The following HYAL4 variants were observed in gnomAD, a reference collection of about 807,000 sequenced individuals.
HYAL4 encodes the protein hyaluronidase-4.
A neutral mutation model predicts 35.2 loss-of-function variants in HYAL4; 37 were observed. That is an observed-to-expected ratio of 1.05 (90% CI 0.81 to 1.38). The LOEUF is 1.38. HYAL4 is among the 40% of genes most tolerant of loss of function. The probability of loss-of-function intolerance (pLI) is 0.00; values close to 1 mark genes in which losing one functional copy is unlikely to be tolerated. For missense variants in HYAL4, 572 were observed against 572.4 expected (o/e 1.00, Z 0.01); for synonymous variants, 198 against 203.2 (o/e 0.97, Z 0.22).
intron 2 of HYAL4, among the ~76,000 whole-genome samples, chr7:123,849,677 A>C (rs947902758): frequency 6.6e-6 from 1 of 152,162 alleles, no homozygotes; most frequent in Non-Finnish European, 1.5e-5. Flanking sequence ...TTGTTCCTTC[A>C]TAGACATGCT....
In HYAL4 at chr7:123,868,572, G is replaced by GGT. The variant is rs1386620064; in HGVS notation, c.300_301dup (p.Tyr101CysfsTer17). Reference sequence around the variant, plus strand: ...GTCAACAGATTGGGATACTATCCGTGGTATACATCACAAGGGGTCCCCATT... The same window carrying GGT: ...GTCAACAGATTGGGATACTATCCGTGGTGTATACATCACAAGGGGTCCCCATT... On this transcript the variant is annotated frameshift_variant, in exon 3 of 5. Coordinates refer to ENST00000223026, the MANE Select transcript of HYAL4 (RefSeq NM_012269.3). LOFTEE classifies it high-confidence loss of function. The GGT allele has an allele frequency of 1.2e-6, 2 of 1,614,058 alleles. No homozygotes were observed. Among genetic ancestry groups the GGT allele is most frequent in the Non-Finnish European group, 1.7e-6 (2 of 1,179,996 alleles).
At chr7:123,819,895 C>CTTT in the HYAL4 span, among the ~76,000 whole-genome samples, 14 of 138,878 alleles carry the variant, frequency 1.0e-4, no homozygotes, top group South Asian at 2.3e-4. Flanking sequence ...CTTTTTTTTT[C>CTTT]TTTTTTTTTT....
chr7:123,842,569 G>A (rs1210868415), upstream of HYAL4, among the ~76,000 whole-genome samples: 1 of 151,950 alleles, frequency 6.6e-6, no homozygotes, highest in Non-Finnish European at 1.5e-5. Context: ...CTTCTGTCAT[G>A]TTGATCTGTC....
At chr7:123,763,873 G>A in the HYAL4 span, among the ~76,000 whole-genome samples, 1 of 152,200 alleles carries the variant, frequency 6.6e-6, no homozygotes, top group Admixed American at 6.5e-5. Flanking sequence ...GTCAGTACTT[G>A]TAGTTCCCTG....
chr7:123,824,038 A>C (rs150792828), upstream of HYAL4, among the ~76,000 whole-genome samples: 237 of 152,272 alleles, frequency 1.6e-3, no homozygotes, highest in African/African-American at 5.6e-3. Flanking sequence ...TCAGTGTGAC[A>C]CAAGTTAGGA....
intron 2 of HYAL4, among the ~76,000 whole-genome samples, chr7:123,862,289 T>C (rs1806591650): frequency 1.3e-5 from 2 of 152,184 alleles, no homozygotes; most frequent in African/African-American, 4.8e-5. Flanking sequence ...GTGCATTTAT[T>C]AAATTCCTTA....
In HYAL4 at chr7:123,845,672, T is replaced by G. The variant is rs985487687; in HGVS notation, c.-135T>G. 6.6e-6 allele frequency: 1 copy of G among 152,220 alleles called. No individual in the cohort carries two copies. The highest frequency in any genetic ancestry group is 1.5e-5 in the Non-Finnish European group (1 of 68,044). The allele number at this position is 152,220 out of a possible 1,614,324, so 9.4% of individuals were successfully genotyped here. A position where few individuals can be genotyped will look rare whatever the true frequency, so the allele number is the denominator to read the frequency against. ...GAAAATCAGGAATTTCTTCTTGGTT[T>G]GGAGCCATTGCTGGTGAGCTAGTGT... is the stretch of plus-strand genomic sequence containing the variant. On this transcript the variant is annotated 5_prime_UTR_variant, in exon 1 of 5. Transcript: ENST00000223026.
chr7:123,845,775 G>A (rs891061344), intron 1 of HYAL4, 90 bp downstream of exon 1: 7 of 152,154 alleles, frequency 4.6e-5, no homozygotes, highest in Admixed American at 1.3e-4. Flanking sequence ...TCTCACTTGG[G>A]TAGGCTATGT....
chr7:123,847,864 G>A (rs1399451248), intron 1 of HYAL4, among the ~76,000 whole-genome samples: 1 of 152,100 alleles, frequency 6.6e-6, no homozygotes, highest in Non-Finnish European at 1.5e-5. Context: ...TACATATACA[G>A]TTTTCTTTTC....
chr7:123,865,117 TAAATGAACCAG>T (rs1806656238), intron 2 of HYAL4, among the ~76,000 whole-genome samples: 2 of 152,074 alleles, frequency 1.3e-5, no homozygotes, highest in South Asian at 4.2e-4. Flanking sequence ...AACTTTGTAA[TAAATGAACCAG>T]GATGTTCTAT....
At chr7:123,871,689 T>C (rs1277050146) in intron 3 of HYAL4, among the ~76,000 whole-genome samples, 2 of 152,230 alleles carry the variant, frequency 1.3e-5, no homozygotes, top group African/African-American at 4.8e-5. Context: ...AGTGTCTTCA[T>C]GTACAAAATG....
upstream of HYAL4, among the ~76,000 whole-genome samples, chr7:123,826,456 T>A (rs1805803906): frequency 6.6e-6 from 1 of 152,156 alleles, no homozygotes; most frequent in Non-Finnish European, 1.5e-5. Context: ...TGTTTCTGGT[T>A]TGATAATTGG....
the HYAL4 span, among the ~76,000 whole-genome samples, chr7:123,773,989 G>A: frequency 6.6e-6 from 1 of 152,062 alleles, no homozygotes; most frequent in Non-Finnish European, 1.5e-5. Context: ...GTGAGACATG[G>A]TCTCGCATGT....
the HYAL4 span, among the ~76,000 whole-genome samples, chr7:123,771,416 G>A: frequency 6.6e-6 from 1 of 152,078 alleles, no homozygotes; most frequent in Non-Finnish European, 1.5e-5. Context: ...TTGTGGGGCT[G>A]TCTGTGCGTT....
At chr7:123,781,967 C>T in the HYAL4 span, among the ~76,000 whole-genome samples, 1 of 151,986 alleles carries the variant, frequency 6.6e-6, no homozygotes, top group Non-Finnish European at 1.5e-5. Flanking sequence ...AGTGCAGTGG[C>T]AAGTTCCTGG....
At chr7:123,796,257 C>T in the HYAL4 span, among the ~76,000 whole-genome samples, 2 of 152,200 alleles carry the variant, frequency 1.3e-5, no homozygotes, top group South Asian at 2.1e-4. Context: ...TAGGAAGAGT[C>T]ATCCAGACCT....
At chr7:123,782,775 G>A in the HYAL4 span, among the ~76,000 whole-genome samples, 7 of 151,986 alleles carry the variant, frequency 4.6e-5, no homozygotes, top group African/African-American at 1.4e-4. Context: ...ACATGTACTC[G>A]CTTCTGAGAA....
the HYAL4 span, among the ~76,000 whole-genome samples, chr7:123,770,195 A>G: frequency 6.6e-6 from 1 of 152,130 alleles, no homozygotes; most frequent in Non-Finnish European, 1.5e-5. Flanking sequence ...GCTATAAAAA[A>G]AAAATCCCCT....
At chr7:123,798,456 T>C in the HYAL4 span, among the ~76,000 whole-genome samples, 17 of 152,324 alleles carry the variant, frequency 1.1e-4, no homozygotes, top group Middle Eastern at 3.4e-3. Flanking sequence ...TAAAGACTTA[T>C]AAAGATCTTG....
Sources: gnomAD v4.1 joint callset for allele counts (sites outside exome capture counted in the v4.1 genomes callset) on GRCh38, gnomAD v4.1.1 for gene constraint, MANE v1.5 for transcripts, NCBI Gene and HGNC (gene_info 2026-07-23, HGNC 2026-07-21) for gene names.